Variants in TUBGCP4 observed in about 807,000 individuals in gnomAD.
TUBGCP4 encodes tubulin gamma complex component 4.
TUBGCP4 carries 54 observed loss-of-function variants against 91.6 expected under a neutral mutation model. That is an observed-to-expected ratio of 0.59 (90% CI 0.47 to 0.74). The LOEUF (loss-of-function observed/expected upper bound fraction) is 0.74. Among genes scored for constraint, TUBGCP4 ranks in the 30% least tolerant of loss-of-function variants. The probability of loss-of-function intolerance (pLI) is 0.00; values close to 1 mark genes in which losing one functional copy is unlikely to be tolerated. For synonymous variants in TUBGCP4, 297 were observed against 302.8 expected, an observed-to-expected ratio of 0.98 and a Z score of 0.20; for missense variants, 593 against 800.9, an observed-to-expected ratio of 0.74 and a Z score of 3.13.
Position 43,401,757 on chromosome 15 carries a change from G to A in TUBGCP4, c.1638G>A (p.Gln546=), listed in dbSNP as rs528810773. The change falls in exon 15 of 18, where the codon CAG becomes CAA. Residue 546 remains glutamine, a synonymous_variant. Coordinates refer to ENST00000564079, the MANE Select transcript of TUBGCP4 (RefSeq NM_014444.5). ...CTCAGTTCTCCCAGCTGCTTCATCA[G>A]ATCAATTCTACCCGAGACTTTGAAA... ...LESQFSQLLH[Q]INSTRDFESI... 9.9e-6 allele frequency: 16 copies of A among 1,614,122 alleles called. No individual in the cohort carries two copies. Among genetic ancestry groups the A allele is most frequent in the Admixed American group, 3.3e-5 (2 of 60,010 alleles).
chr15:43,393,676 T>G (rs1232538557), intron 9 of TUBGCP4, among the ~76,000 whole-genome samples: 1 of 152,028 alleles, frequency 6.6e-6, no homozygotes, highest in Non-Finnish European at 1.5e-5. Flanking sequence ...AATTCCCACC[T>G]ATGAGTGAGA....
intron 3 of TUBGCP4, 56 bp from the exon 4 acceptor site, chr15:43,376,958 C>A: frequency 1.4e-6 from 2 of 1,402,990 alleles, no homozygotes; most frequent in South Asian, 1.2e-5. Flanking sequence ...TTTCATAGAT[C>A]AAATAGATTT....
Position 43,408,162 on chromosome 15 carries a change from A to G in TUBGCP4, c.*2948A>G. ...AAACTGCCTTTCTGCAAAGGGACTC[A>G]TGTACATCTGAATGCTTTCAAAAAT... On this transcript the variant is annotated 3_prime_UTR_variant, in exon 18 of 18. Transcript: ENST00000564079. 1.4e-6 allele frequency: 2 copies of G among 1,446,196 alleles called. No individual in the cohort carries two copies. Among genetic ancestry groups the G allele is most frequent in the East Asian group, 2.3e-5 (1 of 43,786 alleles). 89.6% of individuals were successfully genotyped at this position (1,446,196 alleles called of 1,614,324 possible). A position where few individuals can be genotyped will look rare whatever the true frequency, so the allele number is the denominator to read the frequency against.
chr15:43,376,448 T>C, intron 2 of TUBGCP4, 55 bp from the exon 3 acceptor site: 1 of 1,614,104 alleles, frequency 6.2e-7, no homozygotes, highest in Non-Finnish European at 8.5e-7. Flanking sequence ...GATAATGTCT[T>C]TCTCAGGTTT....
At chr15:43,386,112 A>G (rs1000654137) in intron 8 of TUBGCP4, 94 bp from the exon 9 acceptor site, 1 of 1,534,898 alleles carries the variant, frequency 6.5e-7, no homozygotes, top group Admixed American at 2.0e-5. Context: ...AAGCAGGTGA[A>G]GTTGCTGCCC....
chr15:43,394,893 A>G (rs2044555589), intron 9 of TUBGCP4: 1 of 564,996 alleles, frequency 1.8e-6, no homozygotes, highest in African/African-American at 1.9e-5. Flanking sequence ...ACTGTGAGCA[A>G]CTCAACCTCT....
chr15:43,409,728 A>G lies in TUBGCP4; in HGVS notation c.*4514A>G. ...CTGTATACTGCTTGTTGAAAGGAGG[A>G]ATTTCCAAAAATTCTATATTAAAAA... On this transcript the variant is annotated 3_prime_UTR_variant, in exon 18 of 18. Coordinates refer to ENST00000564079, the MANE Select transcript of TUBGCP4 (RefSeq NM_014444.5). The G allele has an allele frequency of 6.5e-7, 1 of 1,528,506 alleles. No homozygotes were observed. The highest frequency in any genetic ancestry group is 8.8e-7 in the Non-Finnish European group (1 of 1,133,208). 94.7% of individuals were successfully genotyped at this position (1,528,506 alleles called of 1,614,324 possible). A position where few individuals can be genotyped will look rare whatever the true frequency, so the allele number is the denominator to read the frequency against.
chr15:43,406,661 C>T lies in TUBGCP4; in HGVS notation c.*1447C>T, dbSNP rs1449535571. 6.6e-6 allele frequency: 3 copies of T among 453,406 alleles called. No homozygotes were observed. The highest frequency in any genetic ancestry group is 4.7e-5 in the South Asian group (3 of 63,826). The allele number at this position is 453,406 out of a possible 1,614,324, so 28.1% of individuals were successfully genotyped here. ...GAAGCCATGCAGGGATCAGTGATGC[C>T]AGAGGAAGGGAAGGAACTGCTTCCA... On this transcript the variant is annotated 3_prime_UTR_variant, in exon 18 of 18. Transcript: ENST00000564079.
In TUBGCP4 at chr15:43,401,748, G is replaced by A. The variant is rs2044685845; in HGVS notation, c.1629G>A (p.Leu543=). The A allele has an allele frequency of 6.2e-7, 1 of 1,614,114 alleles. No individual in the cohort carries two copies. The highest frequency in any genetic ancestry group is 8.5e-7 in the Non-Finnish European group (1 of 1,180,000). ...VDVLESQFSQ[L]LHQINSTRDF... Reference sequence around the variant, plus strand: ...TGTTGGAGTCTCAGTTCTCCCAGCTGCTTCATCAGATCAATTCTACCCGAG... The same window carrying A: ...TGTTGGAGTCTCAGTTCTCCCAGCTACTTCATCAGATCAATTCTACCCGAG... The change falls in exon 15 of 18, where the codon CTG becomes CTA. Residue 543 remains leucine (L), a synonymous_variant. Coordinates refer to ENST00000564079, the MANE Select transcript of TUBGCP4 (RefSeq NM_014444.5).
intron 14 of TUBGCP4, 133 bp from the exon 15 acceptor site, chr15:43,401,583 C>A: frequency 1.1e-6 from 1 of 921,438 alleles, no homozygotes; most frequent in Non-Finnish European, 1.7e-6. Flanking sequence ...TGTCTTTGGT[C>A]AGCCTTAATG....
intron 1 of TUBGCP4, among the ~76,000 whole-genome samples, chr15:43,373,958 C>G (rs1283833432): frequency 1.3e-5 from 2 of 152,102 alleles, no homozygotes; most frequent in Non-Finnish European, 2.9e-5. Context: ...GGCAAGAGAC[C>G]AGGTTCTTAA....
chr15:43,397,849 C>T (rs927882531), intron 12 of TUBGCP4, among the ~76,000 whole-genome samples, 192 bp from the exon 13 acceptor site: 12 of 152,110 alleles, frequency 7.9e-5, no homozygotes, highest in African/African-American at 2.9e-4. Flanking sequence ...GTAGCTGGGA[C>T]TACAAGTGCG....
At chr15:43,376,661 C>T in intron 3 of TUBGCP4, 36 bp downstream of exon 3, 2 of 1,613,510 alleles carry the variant, frequency 1.2e-6, no homozygotes, top group Non-Finnish European at 1.7e-6. Flanking sequence ...ACCTCTGGGA[C>T]AGTAGATTAG....
At chr15:43,395,352 C>A in intron 10 of TUBGCP4, 195 bp downstream of exon 10, 1 of 678,044 alleles carries the variant, frequency 1.5e-6, no homozygotes, top group South Asian at 1.8e-5. Context: ...GTACTTTTTT[C>A]TGGCATATAT....
At position 43,409,168 on chromosome 15, in the gene TUBGCP4, A is replaced by G; in HGVS notation, c.*3954A>G. 5 of 1,407,332 alleles carry G rather than the reference A, an allele frequency of 3.6e-6. 1 individual carries two copies. The East Asian group carries it at 1.2e-4, about 32-fold the overall frequency. 87.2% of individuals were successfully genotyped at this position (1,407,332 alleles called of 1,614,324 possible). A position where few individuals can be genotyped will look rare whatever the true frequency, so the allele number is the denominator to read the frequency against. On this transcript the variant is annotated 3_prime_UTR_variant, in exon 18 of 18. Transcript: ENST00000564079. ...AAGCTCCTAAGCAGCAGCCATAATG[A>G]GCCATGAAGAGCAGATCTGAAGACT...
intron 4 of TUBGCP4, 148 bp downstream of exon 4, chr15:43,377,215 C>A: frequency 2.9e-6 from 2 of 690,192 alleles, no homozygotes; most frequent in South Asian, 1.8e-5. Flanking sequence ...TTTACTAGAT[C>A]AAAACTGTTT....
chr15:43,393,622 G>C (rs1181826724), intron 9 of TUBGCP4, among the ~76,000 whole-genome samples: 2 of 151,828 alleles, frequency 1.3e-5, no homozygotes, highest in Non-Finnish European at 2.9e-5. Flanking sequence ...ACAGTCCCCG[G>C]TGTGTGATGT....
intron 5 of TUBGCP4, among the ~76,000 whole-genome samples, chr15:43,379,466 C>G (rs1160374799): frequency 6.6e-6 from 1 of 151,986 alleles, no homozygotes; most frequent in Non-Finnish European, 1.5e-5. Context: ...ACAGTGAAAC[C>G]CTGTCTCTAC....
intron 7 of TUBGCP4, among the ~76,000 whole-genome samples, chr15:43,384,651 A>C (rs1802837630): frequency 6.6e-6 from 1 of 152,232 alleles, no homozygotes; most frequent in Admixed American, 6.5e-5. Context: ...GTACTTGATG[A>C]AACTTGAGTT....
Sources: allele counts gnomAD v4.1 joint callset (sites outside exome capture counted in the v4.1 genomes callset), GRCh38; gene constraint gnomAD v4.1.1; transcripts MANE v1.5; gene names NCBI Gene and HGNC (gene_info 2026-07-23, HGNC 2026-07-21).